HTR2C: variants seen among roughly 807,000 people sequenced by gnomAD.
HTR2C encodes the protein 5-hydroxytryptamine (serotonin) receptor 2C, G protein-coupled.
A neutral mutation model predicts 21.0 loss-of-function variants in HTR2C; 5 were observed. That is an observed-to-expected ratio of 0.24 (90% confidence interval 0.12 to 0.50). The LOEUF is 0.50. Among genes scored for constraint, HTR2C ranks in the 20% least tolerant of loss-of-function variants. The pLI, the probability that HTR2C is intolerant of heterozygous loss-of-function variation, is 0.98. For missense variants in HTR2C, 271 were observed against 371.2 expected, an observed-to-expected ratio of 0.73 and a Z score of 2.22; for synonymous variants, 150 against 145.3, an observed-to-expected ratio of 1.03 and a Z score of -0.23.
At chrX:114,646,940 A>G (rs782270999) in intron 2 of HTR2C, among the ~76,000 whole-genome samples, 3 of 111,675 alleles carry the variant, frequency 2.7e-5, no homozygotes, top group African/African-American at 9.7e-5. Flanking sequence ...TTGGCCATTC[A>G]TATGTCTTCT....
At chrX:114,820,457 T>C (rs1000514796) in intron 4 of HTR2C, among the ~76,000 whole-genome samples, 2 of 110,527 alleles carry the variant, frequency 1.8e-5, no homozygotes, top group Admixed American at 1.9e-4. Context: ...CCACAATTTA[T>C]CAGTCATATA....
chrX:114,724,851 T>C (rs1326688383), intron 2 of HTR2C, among the ~76,000 whole-genome samples: 3 of 102,419 alleles, frequency 2.9e-5, no homozygotes, highest in African/African-American at 1.0e-4. Context: ...GTCCCCATTC[T>C]CTTCTGGCTT....
chrX:114,592,957 C>G (rs1367113970), intron 1 of HTR2C, among the ~76,000 whole-genome samples: 1 of 112,045 alleles, frequency 8.9e-6, no homozygotes, highest in East Asian at 2.8e-4. Flanking sequence ...TGAGCTTCAG[C>G]TAACAGGGAA....
intron 4 of HTR2C, among the ~76,000 whole-genome samples, chrX:114,769,216 A>G (rs1473345636): frequency 9.0e-6 from 1 of 111,541 alleles, no homozygotes; most frequent in Non-Finnish European, 1.9e-5. Flanking sequence ...AAATGATTTT[A>G]TGCTATGAAT....
chrX:114,739,553 T>C, intron 4 of HTR2C, among the ~76,000 whole-genome samples: 1 of 111,363 alleles, frequency 9.0e-6, no homozygotes, highest in Non-Finnish European at 1.9e-5. Flanking sequence ...CAAAATCTAT[T>C]GTTAGGAAAA....
chrX:114,647,977 G>T (rs1017521881), intron 2 of HTR2C, among the ~76,000 whole-genome samples: 1 of 112,261 alleles, frequency 8.9e-6, no homozygotes, highest in Non-Finnish European at 1.9e-5. Context: ...AGATTAATAA[G>T]AGAAAAGCAT....
At chrX:114,670,050 C>A (rs1352891682) in intron 2 of HTR2C, among the ~76,000 whole-genome samples, 1 of 111,196 alleles carries the variant, frequency 9.0e-6, no homozygotes, top group Non-Finnish European at 1.9e-5. Context: ...ACCAGCCTGG[C>A]CAACATGGTG....
chrX:114,672,389 CA>C lies in HTR2C; in HGVS notation c.-79-54459del, dbSNP rs1300796653. 5.0e-4 allele frequency among the ~76,000 whole-genome samples: 52 copies of C among 104,628 alleles called. 1 individual carries two copies. The highest frequency in any genetic ancestry group is 1.7e-3 in the African/African-American group (48 of 28,895). 90.9% of individuals were successfully genotyped at this position (104,628 alleles called of 115,157 possible). A position where few individuals can be genotyped will look rare whatever the true frequency, so the allele number is the denominator to read the frequency against. On this transcript the variant is annotated intron_variant, in intron 2 of 5. Coordinates refer to ENST00000276198, the MANE Select transcript of HTR2C (RefSeq NM_000868.4). Reference sequence around the variant, plus strand: ...CCTGGGTGACAATGAGACTGAGTCTCAAAAAAAAAATCGTATTTCACACCAC... The same window carrying C: ...CCTGGGTGACAATGAGACTGAGTCTCAAAAAAAAATCGTATTTCACACCAC...
chrX:114,806,237 A>C (rs1200335705), intron 4 of HTR2C, among the ~76,000 whole-genome samples: 1 of 99,575 alleles, frequency 1.0e-5, no homozygotes, highest in Non-Finnish European at 2.0e-5. Context: ...TATATACCAT[A>C]TATATACCAT....
chrX:114,662,634 C>T (rs1161488136), intron 2 of HTR2C, among the ~76,000 whole-genome samples: 6 of 111,848 alleles, frequency 5.4e-5, no homozygotes, highest in African/African-American at 1.9e-4. Context: ...TGTGCAGACA[C>T]ATGCAGAATC....
chrX:114,646,023 G>T (rs1410104978), intron 2 of HTR2C, among the ~76,000 whole-genome samples: 1 of 111,731 alleles, frequency 9.0e-6, no homozygotes, highest in Admixed American at 9.5e-5. Context: ...GAACTTAAAA[G>T]AATTTATGCA....
chrX:114,592,271 T>C lies in HTR2C; in HGVS notation c.-147+7612T>C, dbSNP rs368661211. Among the ~76,000 whole-genome samples the C allele has an allele frequency of 5.3e-5, 6 of 112,677 alleles. No homozygotes were observed. The East Asian group carries it at 8.4e-4, about 16-fold the overall frequency. On this transcript the variant is annotated intron_variant, in intron 1 of 5. Coordinates refer to ENST00000276198, the MANE Select transcript of HTR2C (RefSeq NM_000868.4). ...CACCGCAATTACTTTTGCACCAACCTAATTCAGAATTTAAAAGTGAAAAAC... is the reference window on the plus strand; with the variant it reads ...CACCGCAATTACTTTTGCACCAACCCAATTCAGAATTTAAAAGTGAAAAAC...
chrX:114,623,317 A>G (rs1929237932), intron 2 of HTR2C, among the ~76,000 whole-genome samples: 1 of 112,297 alleles, frequency 8.9e-6, no homozygotes, highest in Admixed American at 9.5e-5. Flanking sequence ...AACAAATGTT[A>G]ACTATTGTTT....
rs782802993 is a variant in HTR2C at position 114,726,043 on chromosome X, C to A, written c.-79-815C>A. On this transcript the variant is annotated intron_variant, in intron 2 of 5. Transcript: ENST00000276198. ...CTCCTTGAGCTGTGGTGGGTTCCAC[C>A]CAGTTCGAGCTTCCGGGCTGCTTTG... is the stretch of plus-strand genomic sequence containing the variant. 2.4e-4 allele frequency among the ~76,000 whole-genome samples: 27 copies of A among 111,894 alleles called. 2 individuals are homozygous for A. The South Asian group carries it at 9.0e-3, about 37-fold the overall frequency.
chrX:114,855,534 T>C (rs1556470685), intron 5 of HTR2C, among the ~76,000 whole-genome samples: 1 of 110,444 alleles, frequency 9.1e-6, no homozygotes, highest in Non-Finnish European at 1.9e-5. Context: ...AAACCTCAGA[T>C]TTTATCATTG....
intron 2 of HTR2C, among the ~76,000 whole-genome samples, chrX:114,687,081 A>G: frequency 9.3e-6 from 1 of 107,425 alleles, no homozygotes; most frequent in Non-Finnish European, 2.0e-5. Flanking sequence ...TGACGTTTAG[A>G]AGAGATTTTA....
intron 5 of HTR2C, among the ~76,000 whole-genome samples, chrX:114,858,058 T>G (rs1312870215): frequency 1.8e-5 from 2 of 111,100 alleles, no homozygotes; most frequent in African/African-American, 6.5e-5. Context: ...GTTCTATTGA[T>G]CTAATATTCT....
chrX:114,870,374 G>T (rs781893730), intron 5 of HTR2C, among the ~76,000 whole-genome samples: 5 of 110,923 alleles, frequency 4.5e-5, no homozygotes, highest in Non-Finnish European at 7.6e-5. Flanking sequence ...GAGCCACCGC[G>T]CCCAGCCAGT....
At chrX:114,678,178 TGTA>T (rs1931626723) in intron 2 of HTR2C, among the ~76,000 whole-genome samples, 1 of 110,582 alleles carries the variant, frequency 9.0e-6, no homozygotes, top group African/African-American at 3.3e-5. Context: ...TCTCTGCACA[TGTA>T]GTAAATATTA....
Sources: allele counts gnomAD v4.1 joint callset (sites outside exome capture counted in the v4.1 genomes callset), GRCh38; gene constraint gnomAD v4.1.1; transcripts MANE v1.5; gene names NCBI Gene and HGNC (gene_info 2026-07-23, HGNC 2026-07-21).